CLASP1: variants seen among roughly 807,000 people sequenced by gnomAD.
CLASP1 encodes the protein CLIP-associating protein 1.
In CLASP1, 38 loss-of-function variants were observed where a neutral mutation model predicts 192.3. The observed-to-expected ratio is 0.20, with a 90% confidence interval of 0.15 to 0.26. CLASP1 has a LOEUF of 0.26. Ranked by LOEUF, CLASP1 falls within the 10% of genes least tolerant of loss-of-function variation. CLASP1 has a pLI of 1.00. For synonymous variants in CLASP1, 691 were observed against 712.8 expected (o/e 0.97, Z 0.49); for missense variants, 1,433 against 1,932.5 (o/e 0.74, Z 4.85).
chr2:121,617,146 A>C (rs138706084), intron 1 of CLASP1, among the ~76,000 whole-genome samples: 1 of 152,252 alleles, frequency 6.6e-6, no homozygotes, highest in East Asian at 1.9e-4. Context: ...TGTCAGTCAC[A>C]GGTCCTTCCC....
At chr2:121,470,644 C>G (rs1242740486) in intron 8 of CLASP1, 1 of 452,068 alleles carries the variant, frequency 2.2e-6, no homozygotes, top group Non-Finnish European at 4.4e-6. Context: ...CAATACTTTC[C>G]TACACTTTTT....
At chr2:121,441,889 A>G (rs2083410998) in intron 19 of CLASP1, among the ~76,000 whole-genome samples, 1 of 152,204 alleles carries the variant, frequency 6.6e-6, no homozygotes, top group African/African-American at 2.4e-5. Flanking sequence ...AATTTTTTAC[A>G]TTTTATTTCC....
intron 2 of CLASP1, chr2:121,531,073 T>A (rs372311426): frequency 1.4e-6 from 1 of 690,420 alleles, no homozygotes. Flanking sequence ...ACTAGTACTT[T>A]GTGGTTAAAC....
intron 39 of CLASP1, among the ~76,000 whole-genome samples, chr2:121,344,329 T>TA (rs139281640): frequency 0.015 from 2,329 of 150,654 alleles, 26 homozygotes; most frequent in South Asian, 0.049. Flanking sequence ...TTTTTTTTCT[T>TA]AAAAAAAAAC....
At chr2:121,514,802 T>C (rs561274742) in intron 7 of CLASP1, among the ~76,000 whole-genome samples, 5 of 152,202 alleles carry the variant, frequency 3.3e-5, no homozygotes, top group African/African-American at 7.2e-5. Flanking sequence ...ATAAACTCTT[T>C]TGTGAAACAG....
chr2:121,513,770 C>A (rs1467003536), intron 7 of CLASP1, among the ~76,000 whole-genome samples: 1 of 152,194 alleles, frequency 6.6e-6, no homozygotes, highest in Non-Finnish European at 1.5e-5. Context: ...ACATTTAATC[C>A]CTCAGCAGTG....
intron 19 of CLASP1, among the ~76,000 whole-genome samples, chr2:121,438,538 T>G (rs1559193418): frequency 6.6e-6 from 1 of 152,230 alleles, no homozygotes; most frequent in Non-Finnish European, 1.5e-5. Flanking sequence ...TCTGTGTGTC[T>G]AGCTATTCAC....
At chr2:121,596,658 GAA>G (rs1283665545) in intron 2 of CLASP1, among the ~76,000 whole-genome samples, 1 of 152,168 alleles carries the variant, frequency 6.6e-6, no homozygotes, top group Non-Finnish European at 1.5e-5. Flanking sequence ...CAGAAAGGGA[GAA>G]ACAGGAAAGG....
intron 28 of CLASP1, among the ~76,000 whole-genome samples, chr2:121,401,067 C>A (rs762360113): frequency 2.0e-5 from 3 of 152,210 alleles, no homozygotes; most frequent in African/African-American, 7.2e-5. Flanking sequence ...CTATTAATCT[C>A]TAGCCAGTGT....
chr2:121,526,245 T>C (rs1360362926), intron 5 of CLASP1, among the ~76,000 whole-genome samples: 1 of 152,238 alleles, frequency 6.6e-6, no homozygotes, highest in East Asian at 1.9e-4. Context: ...TGCCTCTGCA[T>C]TACTGTCTGT....
chr2:121,595,517 A>G (rs1359650250), intron 2 of CLASP1, among the ~76,000 whole-genome samples: 1 of 152,228 alleles, frequency 6.6e-6, no homozygotes, highest in Non-Finnish European at 1.5e-5. Flanking sequence ...CCTTATTTAA[A>G]TTTTAGTTTT....
At position 121,462,515 on chromosome 2, in the gene CLASP1, CA is replaced by C; in HGVS notation, c.939+16del. 1 of 1,431,756 alleles carries C rather than the reference CA, an allele frequency of 7.0e-7. No individual in the cohort carries two copies. The highest frequency in any genetic ancestry group is 9.8e-7 in the Non-Finnish European group (1 of 1,024,304). 88.7% of individuals were successfully genotyped at this position (1,431,756 alleles called of 1,614,324 possible). On this transcript the variant is annotated intron_variant, in intron 10 of 39. Coordinates refer to ENST00000263710, the Ensembl canonical transcript of CLASP1. Reference sequence around the variant, plus strand: ...GTTGACCCTTGTTTGTAATCATACTCAAATATCCTCACTGACCTGTACTACA... The same window carrying C: ...GTTGACCCTTGTTTGTAATCATACTCAATATCCTCACTGACCTGTACTACA...
At chr2:121,440,123 C>T (rs1352135039) in intron 19 of CLASP1, among the ~76,000 whole-genome samples, 4 of 150,562 alleles carry the variant, frequency 2.7e-5, no homozygotes, top group Admixed American at 6.6e-5. Flanking sequence ...ACTAAGCCCT[C>T]GGGGACAGCC....
At chr2:121,630,164 C>CCCGCCT (rs534036311) in intron 1 of CLASP1, among the ~76,000 whole-genome samples, 182 of 152,198 alleles carry the variant, frequency 1.2e-3, no homozygotes, top group African/African-American at 4.1e-3. Context: ...AAGCGATCCA[C>CCCGCCT]CCGCCTCCGC....
chr2:121,346,050 T>C (rs1279441361), intron 39 of CLASP1, among the ~76,000 whole-genome samples: 1 of 152,320 alleles, frequency 6.6e-6, no homozygotes, highest in South Asian at 2.1e-4. Context: ...TGGCTGTTAA[T>C]GCTCACCAGC....
intron 2 of CLASP1, among the ~76,000 whole-genome samples, chr2:121,542,311 C>T (rs2095251441): frequency 1.3e-5 from 2 of 152,196 alleles, no homozygotes; most frequent in African/African-American, 2.4e-5. Flanking sequence ...GTATACTATA[C>T]TGTTAGCTCT....
At chr2:121,642,529 C>T (rs929195663) in intron 1 of CLASP1, among the ~76,000 whole-genome samples, 4 of 150,742 alleles carry the variant, frequency 2.7e-5, no homozygotes, top group African/African-American at 4.9e-5. Context: ...GTCAGGAGTT[C>T]GAGACCAGCC....
Position 121,606,009 on chromosome 2 carries a change from G to A in CLASP1, c.-114C>T, listed in dbSNP as rs148566998. The A allele has an allele frequency of 4.8e-6, 4 of 831,518 alleles. No homozygotes were observed. In the African/African-American group the frequency reaches 5.1e-5, roughly 11 times the overall value. The allele number at this position is 831,518 out of a possible 1,614,324, so 51.5% of individuals were successfully genotyped here. A position where few individuals can be genotyped will look rare whatever the true frequency, so the allele number is the denominator to read the frequency against. On this transcript the variant is annotated 5_prime_UTR_variant, in exon 2 of 40. An upstream open reading frame in the 5' UTR gains an earlier in-frame stop. Coordinates refer to ENST00000263710, the Ensembl canonical transcript of CLASP1. The stretch of plus-strand genomic sequence containing the variant: ...GTTCGCTGAAGGTTACTAAGAGCCT[G>A]TGTTTCAAAGATGCAATCTGGGGAA...
At chr2:121,575,802 G>C (rs2060459924) in intron 2 of CLASP1, among the ~76,000 whole-genome samples, 1 of 152,200 alleles carries the variant, frequency 6.6e-6, no homozygotes, top group Non-Finnish European at 1.5e-5. Context: ...CATTACTTAA[G>C]TGGCATAATC....
Sources: allele counts gnomAD v4.1 joint callset (sites outside exome capture counted in the v4.1 genomes callset), GRCh38; gene constraint gnomAD v4.1.1; transcripts MANE v1.5; gene names NCBI Gene and HGNC (gene_info 2026-07-23, HGNC 2026-07-21).